The following HOXD3 variants were observed in gnomAD, a reference collection of about 807,000 sequenced individuals.
HOXD3 encodes the protein homeobox protein Hox-D3.
HOXD3 carries 13 observed loss-of-function variants against 32.8 expected under a neutral mutation model. The ratio of observed to expected loss-of-function variants is 0.40; its 90% CI spans 0.26 to 0.63. The LOEUF (loss-of-function observed/expected upper bound fraction) is 0.63, where lower values mean the gene tolerates loss of function less well. Among genes scored for constraint, HOXD3 ranks in the 20% least tolerant of loss-of-function variants. The probability of loss-of-function intolerance (pLI) is 0.44; values close to 1 mark genes in which losing one functional copy is unlikely to be tolerated. For missense variants in HOXD3, 504 were observed against 577.1 expected (o/e 0.87, Z 1.30); for synonymous variants, 241 against 246.8 (o/e 0.98, Z 0.22).
intron 3 of HOXD3, among the ~76,000 whole-genome samples, chr2:176,171,201 A>G (rs1427902274): frequency 1.3e-5 from 2 of 152,076 alleles, no homozygotes; most frequent in African/African-American, 4.8e-5. Context: ...CTGGTCTCTC[A>G]TTAAACTCTT....
At chr2:176,171,218 C>A (rs1691163014) in intron 3 of HOXD3, among the ~76,000 whole-genome samples, 1 of 152,112 alleles carries the variant, frequency 6.6e-6, no homozygotes, top group Non-Finnish European at 1.5e-5. Context: ...TCTTTCATGG[C>A]CTTTGGGTGG....
upstream of HOXD3, among the ~76,000 whole-genome samples, chr2:176,156,560 T>A (rs757960162): frequency 2.6e-5 from 4 of 152,142 alleles, no homozygotes; most frequent in African/African-American, 4.8e-5. Flanking sequence ...GTGGCTGCTC[T>A]GACCTGACCC....
chr2:176,152,956 G>A, upstream of HOXD3: 1 of 1,612,648 alleles, frequency 6.2e-7, no homozygotes, highest in African/African-American at 1.3e-5. The surrounding 1 kb of genome is among the most constrained non-coding windows in gnomAD (Gnocchi z 5.2). Context: ...TGGGGACCCT[G>A]GGCCCATCTC....
chr2:176,152,925 G>T (rs748779901), upstream of HOXD3: 1 of 1,614,166 alleles, frequency 6.2e-7, no homozygotes, highest in South Asian at 1.1e-5. This position sits in a 1 kb window ranked among gnomAD's most constrained non-coding sequence, Gnocchi z 5.2. Context: ...CCACCACACG[G>T]ACCTGACGAC....
chr2:176,160,243 C>T lies in HOXD3; in HGVS notation c.-181+2791C>T, dbSNP rs186785801. Among the ~76,000 whole-genome samples the T allele has an allele frequency of 1.6e-3, 236 of 152,238 alleles. 1 individual carries two copies. The highest frequency in any genetic ancestry group is 4.4e-3 in the Admixed American group (67 of 15,308). On this transcript the variant is annotated intron_variant, in intron 1 of 3. Coordinates refer to ENST00000683222, the MANE Select transcript of HOXD3 (RefSeq NM_006898.5). ...CCGCGGGCCCGGGAAGCTAGGGGTA[C>T]CCTCAGCCTCTGCTGCTCCACGGCA...
chr2:176,155,019 C>T (rs542481858), upstream of HOXD3, among the ~76,000 whole-genome samples: 45 of 152,294 alleles, frequency 3.0e-4, no homozygotes, highest in African/African-American at 1.0e-3. Context: ...TGTATTTCAG[C>T]CGGGAGGACT....
At position 176,171,751 on chromosome 2, in the gene HOXD3, T is replaced by C. The variant is rs532251100; in HGVS notation, c.776T>C (p.Leu259Pro). The C allele has an allele frequency of 6.2e-7, 1 of 1,614,102 alleles. No homozygotes were observed. The highest frequency in any genetic ancestry group is 8.5e-7 in the Non-Finnish European group (1 of 1,180,044). The change falls in exon 4 of 4, where the codon CTG (leucine) becomes CCG (proline). Residue 259 changes from leucine (L) to proline (P), a missense_variant. Physicochemically the swap from Leu to Pro is moderately conservative, Grantham distance 98. Around this residue, in one of 3 missense-constraint regions of HOXD3, gnomAD observed 97 missense variants for 158.0 expected, o/e 0.61. Coordinates refer to ENST00000683222, the MANE Select transcript of HOXD3 (RefSeq NM_006898.5). The stretch of plus-strand genomic sequence containing the variant: ...AAGGACCAGAAGGCCAAGGGCATCC[T>C]GCACTCGCCGGCTAGCCAGTCCCCT... The part of the protein sequence containing the change: ...YKKDQKAKGI[L>P]HSPASQSPER...
In HOXD3 at chr2:176,172,504, A is replaced by C; in HGVS notation, c.*230A>C. 1 of 561,118 alleles carries C rather than the reference A, an allele frequency of 1.8e-6. No individual in the cohort carries two copies. Among genetic ancestry groups the C allele is most frequent in the Non-Finnish European group, 3.1e-6 (1 of 318,616 alleles). The allele number at this position is 561,118 out of a possible 1,614,324, so 34.8% of individuals were successfully genotyped here. ...TCAGCCGCAAGGATCCTTCCCTGTA[A>C]ATTTGACAGTGCCACATACTGCGGA... On this transcript the variant is annotated 3_prime_UTR_variant, in exon 4 of 4. Transcript: ENST00000683222.
chr2:176,153,064 C>A (rs543936269), upstream of HOXD3: 53 of 939,820 alleles, frequency 5.6e-5, no homozygotes, highest in Non-Finnish European at 8.0e-5. Context: ...CTGGGACAAG[C>A]AGGCCGCCCT....
At position 176,172,478 on chromosome 2, in the gene HOXD3, A is replaced by G; in HGVS notation, c.*204A>G. 1 of 577,544 alleles carries G rather than the reference A, an allele frequency of 1.7e-6. No homozygotes were observed. Among genetic ancestry groups the G allele is most frequent in the East Asian group, 2.9e-5 (1 of 34,592 alleles). 35.8% of individuals were successfully genotyped at this position (577,544 alleles called of 1,614,324 possible). On this transcript the variant is annotated 3_prime_UTR_variant, in exon 4 of 4. Transcript: ENST00000683222. ...GCGTCCTTTGGGTGACTCGCCATAA[A>G]TCAGCCGCAAGGATCCTTCCCTGTA...
intron 1 of HOXD3, among the ~76,000 whole-genome samples, chr2:176,160,204 G>A (rs959153633): frequency 6.6e-6 from 1 of 152,198 alleles, no homozygotes; most frequent in African/African-American, 2.4e-5. Context: ...GGGTGCATGA[G>A]GCTGCGGAGT....
upstream of HOXD3, chr2:176,152,820 C>G (rs769292004): frequency 6.2e-7 from 1 of 1,614,176 alleles, no homozygotes. The surrounding 1 kb of genome is among the most constrained non-coding windows in gnomAD (Gnocchi z 5.2). Flanking sequence ...TCATAAGCTG[C>G]CCAACACTAA....
chr2:176,172,465 T>C lies in HOXD3; in HGVS notation c.*191T>C. The C allele has an allele frequency of 1.7e-6, 1 of 585,110 alleles. No homozygotes were observed. The highest frequency in any genetic ancestry group is 2.2e-5 in the South Asian group (1 of 45,690). The allele number at this position is 585,110 out of a possible 1,614,324, so 36.2% of individuals were successfully genotyped here. A position where few individuals can be genotyped will look rare whatever the true frequency, so the allele number is the denominator to read the frequency against. On this transcript the variant is annotated 3_prime_UTR_variant, in exon 4 of 4. Transcript: ENST00000683222. ...CTCCCCTCCATGGGCGTCCTTTGGG[T>C]GACTCGCCATAAATCAGCCGCAAGG...
intron 1 of HOXD3, among the ~76,000 whole-genome samples, chr2:176,161,336 G>A (rs1430493529): frequency 6.6e-6 from 1 of 152,208 alleles, no homozygotes; most frequent in Non-Finnish European, 1.5e-5. Context: ...GGCTTGGAGG[G>A]TGGCCGGCAG....
At chr2:176,161,936 T>A (rs954275386) in intron 1 of HOXD3, among the ~76,000 whole-genome samples, 1 of 152,178 alleles carries the variant, frequency 6.6e-6, no homozygotes, top group Admixed American at 6.5e-5. Flanking sequence ...CCATCCCGGG[T>A]CTTTCCGTGC....
At position 176,167,686 on chromosome 2, in the gene HOXD3, C is replaced by CTTT. The variant is rs56761217; in HGVS notation, c.-84-1318_-84-1316dup. 1.2e-3 allele frequency among the ~76,000 whole-genome samples: 127 copies of CTTT among 108,880 alleles called. 1 individual carries two copies. The highest frequency in any genetic ancestry group is 3.4e-3 in the African/African-American group (97 of 28,626). 71.4% of individuals were successfully genotyped at this position (108,880 alleles called of 152,430 possible). On this transcript the variant is annotated intron_variant, in intron 2 of 3. Transcript: ENST00000683222. Reference sequence around the variant, plus strand: ...TTTTGAAACCAGGTGGGGGGAGACCCTTTTTTTTTTTTTTTTTTTTTTTTT... The same window carrying CTTT: ...TTTTGAAACCAGGTGGGGGGAGACCCTTTTTTTTTTTTTTTTTTTTTTTTTTTT...
chr2:176,154,475 A>G (rs1350903791), upstream of HOXD3, among the ~76,000 whole-genome samples: 1 of 152,240 alleles, frequency 6.6e-6, no homozygotes, highest in African/African-American at 2.4e-5. Context: ...CCAAAGTGGG[A>G]AAGGGAGAAA....
chr2:176,166,850 G>A (rs1313216735), intron 2 of HOXD3, among the ~76,000 whole-genome samples: 1 of 152,158 alleles, frequency 6.6e-6, no homozygotes, highest in Non-Finnish European at 1.5e-5. Context: ...TTAAAATTTG[G>A]GTTAGGCTGT....
At chr2:176,170,665 G>T (rs903085568) in intron 3 of HOXD3, among the ~76,000 whole-genome samples, 15 of 152,066 alleles carry the variant, frequency 9.9e-5, no homozygotes, top group Non-Finnish European at 2.2e-4. Context: ...CTGCTCCTAG[G>T]GAGAGGGTAT....
Sources: allele counts gnomAD v4.1 joint callset (sites outside exome capture counted in the v4.1 genomes callset), GRCh38; gene constraint gnomAD v4.1.1; regional missense constraint gnomAD v4.1.1; non-coding constraint Gnocchi (gnomAD v3.1); transcripts MANE v1.5; gene names NCBI Gene and HGNC (gene_info 2026-07-23, HGNC 2026-07-21).